The following ABHD5 variants were observed in gnomAD, a reference collection of about 807,000 sequenced individuals.
ABHD5 encodes the protein abhydrolase domain containing 5, lysophosphatidic acid acyltransferase.
Under a neutral mutation model 44.9 loss-of-function variants are expected in ABHD5, and 30 were observed. The ratio of observed to expected loss-of-function variants is 0.67; its 90% CI spans 0.50 to 0.91. The LOEUF (loss-of-function observed/expected upper bound fraction) is 0.91, where lower values mean the gene tolerates loss of function less well. ABHD5 is among the 40% of genes least tolerant of loss of function. The pLI is 0.00. For missense variants in ABHD5, 399 were observed against 423.4 expected, an observed-to-expected ratio of 0.94 and a Z score of 0.50; for synonymous variants, 167 against 147.0, an observed-to-expected ratio of 1.14 and a Z score of -0.99.
chr3:43,713,174 C>T (rs1464832601), intron 4 of ABHD5, among the ~76,000 whole-genome samples: 1 of 151,696 alleles, frequency 6.6e-6, no homozygotes, highest in African/African-American at 2.4e-5. Context: ...AAAAATTAGC[C>T]AGGCATAGTG....
In ABHD5 at chr3:43,715,093, G is replaced by GTA. The variant is rs749159410; in HGVS notation, c.773+36_773+37insAT. 1.4e-5 allele frequency: 15 copies of GTA among 1,061,474 alleles called. No individual in the cohort carries two copies. The African/African-American group carries it at 1.6e-4, about 12-fold the overall frequency. The allele number at this position is 1,061,474 out of a possible 1,614,324, so 65.8% of individuals were successfully genotyped here. ...AGGATTCTCAATTCACTCTGTGTGTGTGTGTGTGTGTGTGTGTGTGTGTGT... is the reference window on the plus strand; with the variant it reads ...AGGATTCTCAATTCACTCTGTGTGTGTATGTGTGTGTGTGTGTGTGTGTGTGT... On this transcript the variant is annotated intron_variant, in intron 5 of 6. Coordinates refer to ENST00000644371, the MANE Select transcript of ABHD5 (RefSeq NM_016006.6).
At chr3:43,729,582 G>A (rs887840910) in intron 7 of ABHD5, among the ~76,000 whole-genome samples, 3 of 152,192 alleles carry the variant, frequency 2.0e-5, no homozygotes, top group African/African-American at 7.2e-5. Context: ...TTTCTTCATA[G>A]TGTTGCCAAA....
intron 7 of ABHD5, among the ~76,000 whole-genome samples, chr3:43,728,831 C>T (rs3733155): frequency 0.83 from 125,684 of 152,184 alleles, 51,994 homozygotes; most frequent in Admixed American, 0.87. Flanking sequence ...GAGCCTTACA[C>T]GTAAAGCCTG....
intron 7 of ABHD5, among the ~76,000 whole-genome samples, chr3:43,732,300 C>T (rs1004210360): frequency 6.6e-6 from 1 of 151,944 alleles, no homozygotes; most frequent in African/African-American, 2.4e-5. Flanking sequence ...CAGGGTGGCA[C>T]GTGCCTGTAA....
chr3:43,726,693 G>C (rs886256022), downstream of ABHD5, among the ~76,000 whole-genome samples: 1 of 152,230 alleles, frequency 6.6e-6, no homozygotes, highest in African/African-American at 2.4e-5. Context: ...ATCTGAGCAT[G>C]AGATGTGGAT....
rs2084830007 is a variant in ABHD5 at position 43,721,054 on chromosome 3, G to A, written c.*2522G>A. The stretch of plus-strand genomic sequence containing the variant: ...TCAATAAAACAAGAAGTACTGGAAA[G>A]AATAAACAAAAATAGCCAGAAGATG... On this transcript the variant is annotated 3_prime_UTR_variant, in exon 7 of 7. Coordinates refer to ENST00000644371, the MANE Select transcript of ABHD5 (RefSeq NM_016006.6). The A allele has an allele frequency of 2.0e-5, 3 of 151,962 alleles. No individual in the cohort carries two copies. The highest frequency in any genetic ancestry group is 7.2e-5 in the African/African-American group (3 of 41,386). 9.4% of individuals were successfully genotyped at this position (151,962 alleles called of 1,614,324 possible).
chr3:43,703,608 C>CA lies in ABHD5; in HGVS notation c.506+1027dup, dbSNP rs1174862935. ...TTGATCATCTTTTGGAAAGAAACAACAAAAAATGAATACAGCATTTTTGTG... is the reference window on the plus strand; with the variant it reads ...TTGATCATCTTTTGGAAAGAAACAACAAAAAAATGAATACAGCATTTTTGTG... On this transcript the variant is annotated intron_variant, in intron 3 of 6. Coordinates refer to ENST00000644371, the MANE Select transcript of ABHD5 (RefSeq NM_016006.6). 1.7e-4 allele frequency among the ~76,000 whole-genome samples: 26 copies of CA among 152,126 alleles called. 1 individual carries two copies. Among genetic ancestry groups the CA allele is most frequent in the Admixed American group, 1.7e-3 (26 of 15,274 alleles).
intron 5 of ABHD5, among the ~76,000 whole-genome samples, chr3:43,715,681 G>A (rs1170751875): frequency 6.6e-6 from 1 of 152,096 alleles, no homozygotes; most frequent in Non-Finnish European, 1.5e-5. Flanking sequence ...TTGGTCTTGG[G>A]CATCTCCAAG....
chr3:43,700,276 T>C (rs1317904378), intron 2 of ABHD5, among the ~76,000 whole-genome samples: 1 of 152,194 alleles, frequency 6.6e-6, no homozygotes, highest in Non-Finnish European at 1.5e-5. Flanking sequence ...TTCCTTCTTA[T>C]GAGCACTAAA....
chr3:43,713,648 A>C (rs569832953), intron 4 of ABHD5, among the ~76,000 whole-genome samples: 1 of 152,200 alleles, frequency 6.6e-6, no homozygotes, highest in Non-Finnish European at 1.5e-5. Flanking sequence ...GCCACTCCTT[A>C]CTATGCCTGG....
At chr3:43,711,456 A>G (rs1048554165) in intron 3 of ABHD5, among the ~76,000 whole-genome samples, 22 of 152,220 alleles carry the variant, frequency 1.4e-4, no homozygotes, top group Admixed American at 1.3e-3. Flanking sequence ...TCTGTACTCT[A>G]TATATCTTTT....
At position 43,690,979 on chromosome 3, in the gene ABHD5, G is replaced by A. The variant is rs1049863153; in HGVS notation, c.-14G>A. ...GGCTTCGAGATAAGTCCCGGCGCTT[G>A]CGCGGCGGCGGCTATGGCGGCGGAG... On this transcript the variant is annotated 5_prime_UTR_variant, in exon 1 of 7. Transcript: ENST00000644371. 1.9e-6 allele frequency: 3 copies of A among 1,572,446 alleles called. No homozygotes were observed. Among genetic ancestry groups the A allele is most frequent in the Non-Finnish European group, 1.7e-6 (2 of 1,162,710 alleles).
rs1022735308 is a variant in ABHD5 at position 43,722,577 on chromosome 3, C to T, written c.*4045C>T. ...TTTTTTGAAAAGGCAACTCTTAAAA[C>T]TAAAACAAACTTAACAGTCTGTCAA... On this transcript the variant is annotated 3_prime_UTR_variant, in exon 7 of 7. Transcript: ENST00000644371. 1.2e-4 allele frequency: 19 copies of T among 152,144 alleles called. No homozygotes were observed. Among genetic ancestry groups the T allele is most frequent in the African/African-American group, 4.6e-4 (19 of 41,444 alleles). The allele number at this position is 152,144 out of a possible 1,614,324, so 9.4% of individuals were successfully genotyped here.
chr3:43,718,312 A>G, intron 6 of ABHD5, 131 bp from the exon 7 acceptor site: 1 of 797,800 alleles, frequency 1.3e-6, no homozygotes, highest in Non-Finnish European at 2.2e-6. Flanking sequence ...GATTATTGTT[A>G]TTTTTTAATC....
intron 4 of ABHD5, among the ~76,000 whole-genome samples, chr3:43,712,556 C>T (rs565365285): frequency 8.5e-5 from 13 of 152,106 alleles, no homozygotes; most frequent in Non-Finnish European, 7.4e-5. Flanking sequence ...GCCTTTCCCC[C>T]GTACAACTTG....
At chr3:43,693,734 T>G (rs1350073971) in intron 1 of ABHD5, among the ~76,000 whole-genome samples, 1 of 137,906 alleles carries the variant, frequency 7.3e-6, no homozygotes, top group Non-Finnish European at 1.6e-5. Flanking sequence ...AACAATAACT[T>G]TTATTAGTTT....
At position 43,711,840 on chromosome 3, in the gene ABHD5, G is replaced by C. The variant is rs757584051; in HGVS notation, c.638G>C (p.Gly213Ala). 14 of 1,614,052 alleles carry C rather than the reference G, an allele frequency of 8.7e-6. No homozygotes were observed. The highest frequency in any genetic ancestry group is 6.7e-5 in the East Asian group (3 of 44,896). ...AALTPFNPLA[G>A]LRIAGPFGLS... ...TTGACTCCCTTTAACCCTTTAGCTG[G>C]CCTAAGGATTGCAGGACCCTTTGGT... is the stretch of plus-strand genomic sequence containing the variant. The change falls in exon 4 of 7, where the codon GGC becomes GCC. Residue 213 changes from glycine to alanine, a missense_variant. Physicochemically the swap from Gly to Ala is moderately conservative, Grantham distance 60. Coordinates refer to ENST00000644371, the MANE Select transcript of ABHD5 (RefSeq NM_016006.6).
chr3:43,712,121 G>A (rs1189054088), intron 4 of ABHD5, among the ~76,000 whole-genome samples: 4 of 152,196 alleles, frequency 2.6e-5, no homozygotes, highest in Non-Finnish European at 5.9e-5. Context: ...GATAAGGTTA[G>A]TCAGTCCTCA....
Position 43,702,513 on chromosome 3 carries a change from G to A in ABHD5, c.432G>A (p.Leu144=), listed in dbSNP as rs752495601. Reference sequence around the variant, plus strand: ...AAGAGTGGAGATGTGCCCTAGGATTGGACAAAATGATCTTGCTTGGGCACA... The same window carrying A: ...AAGAGTGGAGATGTGCCCTAGGATTAGACAAAATGATCTTGCTTGGGCACA... ...SIEEWRCALG[L]DKMILLGHNL... The change falls in exon 3 of 7, where the codon TTG becomes TTA. Residue 144 remains leucine, a synonymous_variant. Coordinates refer to ENST00000644371, the MANE Select transcript of ABHD5 (RefSeq NM_016006.6). 2 of 1,614,214 alleles carry A rather than the reference G, an allele frequency of 1.2e-6. No homozygotes were observed. Among genetic ancestry groups the A allele is most frequent in the Admixed American group, 3.3e-5 (2 of 60,028 alleles).
Sources: allele counts gnomAD v4.1 joint callset (sites outside exome capture counted in the v4.1 genomes callset), GRCh38; gene constraint gnomAD v4.1.1; transcripts MANE v1.5; gene names NCBI Gene and HGNC (gene_info 2026-07-23, HGNC 2026-07-21).